The following MIGA2 variants were observed in gnomAD, a reference collection of about 807,000 sequenced individuals.
The protein encoded by MIGA2 is mitoguardin 2.
Under a neutral mutation model 69.9 loss-of-function variants are expected in MIGA2, and 36 were observed. The ratio of observed to expected loss-of-function variants is 0.52; its 90% CI spans 0.39 to 0.68. MIGA2 has a LOEUF of 0.68. MIGA2 is among the 30% of genes least tolerant of loss of function. The pLI, the probability that MIGA2 is intolerant of heterozygous loss-of-function variation, is 0.00. For missense variants in MIGA2, 660 were observed against 787.7 expected (o/e 0.84, Z 1.94); for synonymous variants, 333 against 349.2 (o/e 0.95, Z 0.52).
intron 6 of MIGA2, 98 bp downstream of exon 6, chr9:129,050,061 C>CT: frequency 7.0e-7 from 1 of 1,435,370 alleles, no homozygotes; most frequent in Non-Finnish European, 9.4e-7. Flanking sequence ...CTCCTGTCCT[C>CT]TGAGACTGCT....
At chr9:129,049,709 C>A in intron 5 of MIGA2, 118 bp from the exon 6 acceptor site, 1 of 1,517,690 alleles carries the variant, frequency 6.6e-7, no homozygotes, top group Admixed American at 1.9e-5. Flanking sequence ...GCCCAGGCCA[C>A]ACGGTCCCAC....
intron 6 of MIGA2, among the ~76,000 whole-genome samples, chr9:129,054,052 G>T (rs1040832763): frequency 6.6e-6 from 1 of 151,968 alleles, no homozygotes; most frequent in African/African-American, 2.4e-5. Context: ...AAAAAGAAAA[G>T]ATATAATTCA....
intron 3 of MIGA2, 148 bp from the exon 4 acceptor site, chr9:129,048,279 G>A (rs551622467): frequency 6.3e-5 from 43 of 677,616 alleles, no homozygotes; most frequent in Non-Finnish European, 1.1e-4. Flanking sequence ...CTGAGTGCAC[G>A]CCCTTGGGGC....
rs934119346 is a variant in MIGA2, at chr9:129,071,317, A to C, written c.*864A>C. 3.3e-5 allele frequency: 5 copies of C among 152,458 alleles called. No individual in the cohort carries two copies. Among genetic ancestry groups the C allele is most frequent in the African/African-American group, 9.7e-5 (4 of 41,446 alleles). The allele number at this position is 152,458 out of a possible 1,614,324, so 9.4% of individuals were successfully genotyped here. ...CCGGACCAGCTTCCCCACCTTCATT[A>C]GGACAAGAAACTGCCCAGCACTTTG... is the stretch of plus-strand genomic sequence containing the variant. On this transcript the variant is annotated 3_prime_UTR_variant, in exon 16 of 16. Transcript: ENST00000684074.
intron 6 of MIGA2, among the ~76,000 whole-genome samples, chr9:129,058,917 T>A (rs1845926270): frequency 6.6e-6 from 1 of 152,228 alleles, no homozygotes; most frequent in Non-Finnish European, 1.5e-5. Context: ...TGCTTTTTGG[T>A]GCCGTGTTTG....
chr9:129,049,285 G>A, intron 4 of MIGA2, 96 bp from the exon 5 acceptor site: 2 of 1,168,178 alleles, frequency 1.7e-6, no homozygotes, highest in Non-Finnish European at 2.5e-6. Flanking sequence ...GAGGGGGCGT[G>A]TGGCCCATGG....
chr9:129,052,482 T>G (rs913992063), intron 6 of MIGA2, among the ~76,000 whole-genome samples: 1 of 151,748 alleles, frequency 6.6e-6, no homozygotes, highest in Non-Finnish European at 1.5e-5. Flanking sequence ...AAGGCTAAAA[T>G]TTAAATTTTT....
Position 129,059,136 on chromosome 9 carries a change from T to C in MIGA2, c.676-18T>C. ...GAGCTTTGAGGGTCTGGGTTGAGGGTCCTTGTTTTTATGGCAGCCAGAGTC... is the reference window on the plus strand; with the variant it reads ...GAGCTTTGAGGGTCTGGGTTGAGGGCCCTTGTTTTTATGGCAGCCAGAGTC... On this transcript the variant is annotated intron_variant, in intron 6 of 15. Transcript: ENST00000684074. This position sits in a 1 kb window ranked among gnomAD's most constrained non-coding sequence, Gnocchi z 5.6. The C allele has an allele frequency of 6.2e-7, 1 of 1,610,398 alleles. No individual in the cohort carries two copies. Among genetic ancestry groups the C allele is most frequent in the African/African-American group, 1.3e-5 (1 of 74,822 alleles).
chr9:129,067,830 G>T lies in MIGA2; in HGVS notation c.1228G>T (p.Glu410Ter). The change falls in exon 12 of 16, where the codon GAG becomes TAG. Residue 410 changes from glutamate to a stop codon, truncating the protein, a stop_gained. Transcript: ENST00000684074. LOFTEE classifies it high-confidence loss of function. ...EEMLSYALRP[E>*]TWATTRLELE... is the part of the protein sequence containing the mutation. ...GATGCTGAGCTATGCCCTGCGGCCC[G>T]AGACCTGGGCCACAACACGGCTGGA... 1 of 1,613,230 alleles carries T rather than the reference G, an allele frequency of 6.2e-7. No individual in the cohort carries two copies. The highest frequency in any genetic ancestry group is 1.1e-5 in the South Asian group (1 of 90,910).
intron 3 of MIGA2, among the ~76,000 whole-genome samples, chr9:129,044,806 G>A (rs1012402884): frequency 2.0e-5 from 3 of 147,288 alleles, no homozygotes; most frequent in African/African-American, 7.8e-5. Flanking sequence ...GGCCAGGCTG[G>A]TCTCAAACTC....
At position 129,040,611 on chromosome 9, in the gene MIGA2, C is replaced by T; in HGVS notation, c.17C>T (p.Ala6Val). The change falls in exon 2 of 16, where the codon GCC becomes GTC. Residue 6 changes from alanine (A) to valine (V), a missense_variant. Around this residue, in one of 3 missense-constraint regions of MIGA2, gnomAD observed 54 missense variants for 84.0 expected, o/e 0.64. Coordinates refer to ENST00000684074, the MANE Select transcript of MIGA2 (RefSeq NM_001329990.2). MAFRR[A>V]EGTSMIQALA... ...GGCCCTGCCATGGCGTTCCGGAGGGCCGAGGGCACGTCTATGATCCAGGCC... is the reference window on the plus strand; with the variant it reads ...GGCCCTGCCATGGCGTTCCGGAGGGTCGAGGGCACGTCTATGATCCAGGCC... 1.2e-6 allele frequency: 2 copies of T among 1,613,116 alleles called. No homozygotes were observed. Among genetic ancestry groups the T allele is most frequent in the Non-Finnish European group, 8.5e-7 (1 of 1,179,260 alleles).
intron 1 of MIGA2, among the ~76,000 whole-genome samples, chr9:129,040,099 G>T (rs1844817904): frequency 6.6e-6 from 1 of 152,174 alleles, no homozygotes; most frequent in African/African-American, 2.4e-5. Context: ...TCTCAGTCTG[G>T]GGTCTAAGAT....
At chr9:129,052,115 C>G (rs184903005) in intron 6 of MIGA2, among the ~76,000 whole-genome samples, 3 of 151,680 alleles carry the variant, frequency 2.0e-5, no homozygotes, top group Non-Finnish European at 1.5e-5. Flanking sequence ...CGTGAGCCAC[C>G]GCGCCCAGCC....
At chr9:129,048,592 T>C in intron 4 of MIGA2, 53 bp downstream of exon 4, 1 of 1,412,872 alleles carries the variant, frequency 7.1e-7, no homozygotes, top group Non-Finnish European at 1.0e-6. Context: ...TTACCCCTGC[T>C]GAGGACTCTG....
At chr9:129,053,943 T>G (rs1368454746) in intron 6 of MIGA2, among the ~76,000 whole-genome samples, 1 of 152,122 alleles carries the variant, frequency 6.6e-6, no homozygotes, top group East Asian at 1.9e-4. Context: ...CTCGGGAGGC[T>G]GAGGTGGGAG....
At chr9:129,046,189 AGAGGACCCT>A (rs905002643) in intron 3 of MIGA2, among the ~76,000 whole-genome samples, 15 of 152,088 alleles carry the variant, frequency 9.9e-5, no homozygotes, top group Non-Finnish European at 2.9e-5. Context: ...CTAATATGGA[AGAGGACCCT>A]GAGAGACACT....
At chr9:129,053,331 A>G (rs1252769446) in intron 6 of MIGA2, among the ~76,000 whole-genome samples, 1 of 151,420 alleles carries the variant, frequency 6.6e-6, no homozygotes, top group Non-Finnish European at 1.5e-5. Context: ...ACCACTTTCT[A>G]TTCCTTCAGG....
At chr9:129,046,913 G>A (rs749920111) in intron 3 of MIGA2, among the ~76,000 whole-genome samples, 3 of 151,852 alleles carry the variant, frequency 2.0e-5, no homozygotes, top group Non-Finnish European at 2.9e-5. Flanking sequence ...CAAGTAGCTG[G>A]GATTACAGGC....
Position 129,070,627 on chromosome 9 carries a change from G to A in MIGA2, c.*174G>A. 1 of 689,764 alleles carries A rather than the reference G, an allele frequency of 1.4e-6. No homozygotes were observed. The highest frequency in any genetic ancestry group is 2.4e-6 in the Non-Finnish European group (1 of 424,268). The allele number at this position is 689,764 out of a possible 1,614,324, so 42.7% of individuals were successfully genotyped here. On this transcript the variant is annotated 3_prime_UTR_variant, in exon 16 of 16. Transcript: ENST00000684074. ...TCCATGGAGAAGAACGGTTCCTGGG[G>A]GAAGCAGAGGCCAGGACCAGTGGGG...
Sources: gnomAD v4.1 joint callset for allele counts (sites outside exome capture counted in the v4.1 genomes callset) on GRCh38, gnomAD v4.1.1 for gene constraint, gnomAD v4.1.1 regional missense constraint, Gnocchi (gnomAD v3.1) non-coding constraint, MANE v1.5 for transcripts, NCBI Gene and HGNC (gene_info 2026-07-23, HGNC 2026-07-21) for gene names.